CTDP1: variants seen among roughly 807,000 people sequenced by gnomAD.
The protein encoded by CTDP1 is CTD phosphatase 1, also known as RNA polymerase II subunit A C-terminal domain phosphatase.
A neutral mutation model predicts 91.8 loss-of-function variants in CTDP1; 47 were observed. The ratio of observed to expected loss-of-function variants is 0.51; its 90% CI spans 0.41 to 0.65. CTDP1 has a LOEUF of 0.65. CTDP1 is among the 30% of genes least tolerant of loss of function. The probability of loss-of-function intolerance (pLI) is 0.00; values close to 1 mark genes in which losing one functional copy is unlikely to be tolerated. For synonymous variants in CTDP1, 656 were observed against 598.5 expected, an observed-to-expected ratio of 1.10 and a Z score of -1.40; for missense variants, 1,272 against 1,373.7, an observed-to-expected ratio of 0.93 and a Z score of 1.17.
At chr18:79,741,141 C>T (rs965885000) in intron 12 of CTDP1, among the ~76,000 whole-genome samples, 4 of 148,020 alleles carry the variant, frequency 2.7e-5, no homozygotes, top group African/African-American at 1.0e-4. Context: ...CCCGAGGTCC[C>T]CTTGCGGTTG....
intron 10 of CTDP1, among the ~76,000 whole-genome samples, chr18:79,724,369 T>C (rs901009007): frequency 6.6e-6 from 1 of 152,226 alleles, no homozygotes; most frequent in African/African-American, 2.4e-5. Context: ...GGTGAGTGTG[T>C]GTTTAGCTTT....
At chr18:79,710,128 A>G (rs1012079817) in intron 5 of CTDP1, among the ~76,000 whole-genome samples, 7 of 152,206 alleles carry the variant, frequency 4.6e-5, no homozygotes, top group Admixed American at 1.3e-4. Flanking sequence ...AATTATAAAC[A>G]CTTATCAACA....
At chr18:79,712,140 T>G (rs1030218812) in intron 6 of CTDP1, among the ~76,000 whole-genome samples, 12 of 152,176 alleles carry the variant, frequency 7.9e-5, no homozygotes, top group Non-Finnish European at 1.5e-4. Flanking sequence ...GCTGTTAGTG[T>G]GTTACAGGGA....
rs999088499 is a variant in CTDP1 at position 79,699,803 on chromosome 18, C to T, written c.621+1815C>T. On this transcript the variant is annotated intron_variant, in intron 4 of 12. Coordinates refer to ENST00000613122, the MANE Select transcript of CTDP1 (RefSeq NM_004715.5). ...CGGAGCAACCTGGCGAGCACGTCTG[C>T]AGGTGCCATTTTCCAGCAGCATGTG... Among the ~76,000 whole-genome samples, 17 of 152,272 alleles carry T rather than the reference C, an allele frequency of 1.1e-4. No homozygotes were observed. In the East Asian group the frequency reaches 1.9e-3, roughly 17 times the overall value.
At chr18:79,740,388 A>T (rs1049666957) in intron 12 of CTDP1, among the ~76,000 whole-genome samples, 51 of 152,292 alleles carry the variant, frequency 3.3e-4, no homozygotes, top group African/African-American at 1.1e-3. Flanking sequence ...TGGGGACCTC[A>T]CTTCTTCCTT....
At position 79,713,992 on chromosome 18, in the gene CTDP1, C is replaced by T. The variant is rs1490335273; in HGVS notation, c.1031-499C>T. On this transcript the variant is annotated intron_variant, in intron 7 of 12. Transcript: ENST00000613122. This position sits in a 1 kb window ranked among gnomAD's most constrained non-coding sequence, Gnocchi z 4.7. The stretch of plus-strand genomic sequence containing the variant: ...CCAGGTCTGCAGGGGCTTACGGCCA[C>T]GGTGGTGCCAGGTCTGCAGGGGCTT... Among the ~76,000 whole-genome samples the T allele has an allele frequency of 1.9e-5, 2 of 107,164 alleles. No individual in the cohort carries two copies. Among genetic ancestry groups the T allele is most frequent in the Admixed American group, 8.9e-5 (1 of 11,180 alleles). The allele number at this position is 107,164 out of a possible 152,430, so 70.3% of individuals were successfully genotyped here.
intron 4 of CTDP1, among the ~76,000 whole-genome samples, chr18:79,701,709 T>C (rs2085863791): frequency 6.6e-6 from 1 of 152,148 alleles, no homozygotes; most frequent in Non-Finnish European, 1.5e-5. Flanking sequence ...TTGTGATTCA[T>C]GGGAAGAGGT....
intron 3 of CTDP1, 94 bp from the exon 4 acceptor site, chr18:79,697,766 C>T (rs950441393): frequency 3.2e-6 from 5 of 1,568,078 alleles, no homozygotes; most frequent in Non-Finnish European, 4.4e-6. Flanking sequence ...GAGGGGAACA[C>T]ATTGATATAG....
chr18:79,724,696 T>C (rs2086410313), intron 10 of CTDP1, among the ~76,000 whole-genome samples: 1 of 152,252 alleles, frequency 6.6e-6, no homozygotes, highest in South Asian at 2.1e-4. Context: ...AGATTCTATT[T>C]ATCACTTCTT....
At chr18:79,704,943 CCGTGTGAA>C in intron 5 of CTDP1, 26 bp downstream of exon 5, 1 of 1,611,952 alleles carries the variant, frequency 6.2e-7, no homozygotes, top group African/African-American at 1.3e-5. Flanking sequence ...GCCGAAGAGG[CCGTGTGAA>C]CAGTGGGTTT....
intron 5 of CTDP1, among the ~76,000 whole-genome samples, chr18:79,707,276 T>C (rs2085986003): frequency 6.6e-6 from 1 of 151,928 alleles, no homozygotes; most frequent in Non-Finnish European, 1.5e-5. Context: ...CCTCGTGTGG[T>C]GAGAGATGAA....
chr18:79,735,311 C>T (rs746064182), intron 11 of CTDP1, among the ~76,000 whole-genome samples: 6 of 152,200 alleles, frequency 3.9e-5, no homozygotes, highest in African/African-American at 9.7e-5. Flanking sequence ...AAACAGCCTG[C>T]GCTGGGGGAC....
chr18:79,683,693 T>G (rs1229830663), intron 1 of CTDP1, among the ~76,000 whole-genome samples: 1 of 152,258 alleles, frequency 6.6e-6, no homozygotes, highest in East Asian at 1.9e-4. Context: ...CCACACAGTT[T>G]TGGTCCCTCA....
In CTDP1 at chr18:79,679,897, CTGAGCGCAGCGCAG is replaced by C. The variant is rs1368829063; in HGVS notation, c.-50_-37del. 3.0e-6 allele frequency: 4 copies of C among 1,336,106 alleles called. No individual in the cohort carries two copies. The highest frequency in any genetic ancestry group is 6.6e-5 in the East Asian group (2 of 30,436). 82.8% of individuals were successfully genotyped at this position (1,336,106 alleles called of 1,614,324 possible). A position where few individuals can be genotyped will look rare whatever the true frequency, so the allele number is the denominator to read the frequency against. On this transcript the variant is annotated 5_prime_UTR_variant, in exon 1 of 13. Transcript: ENST00000613122. ...GTGTCGCCGCGGTAGGCGCTGCGCT[CTGAGCGCAGCGCAG>C]GCCCCGTACCGACCGCCCGCCCGCC...
chr18:79,748,327 G>A (rs1380999038), intron 12 of CTDP1, among the ~76,000 whole-genome samples: 2 of 152,180 alleles, frequency 1.3e-5, no homozygotes, highest in African/African-American at 2.4e-5. Flanking sequence ...ACTTCATCAC[G>A]GAGCGAGACC....
At chr18:79,680,562 C>G (rs1466145821) in intron 1 of CTDP1, among the ~76,000 whole-genome samples, 1 of 152,246 alleles carries the variant, frequency 6.6e-6, no homozygotes, top group African/African-American at 2.4e-5. Context: ...TCCTTTAGCT[C>G]CACCTTTGTG....
chr18:79,696,719 C>T lies in CTDP1; in HGVS notation c.492+649C>T, dbSNP rs114829493. 7.5e-3 allele frequency among the ~76,000 whole-genome samples: 1,137 copies of T among 152,208 alleles called. 12 individuals are homozygous for T. Among genetic ancestry groups the T allele is most frequent in the African/African-American group, 0.026 (1,088 of 41,516 alleles). ...GAGGACGGGCAGGTGTTCACGTGCCCAGTTAAGAGTGAGATGGGTTTTTAT... is the reference window on the plus strand; with the variant it reads ...GAGGACGGGCAGGTGTTCACGTGCCTAGTTAAGAGTGAGATGGGTTTTTAT... On this transcript the variant is annotated intron_variant, in intron 3 of 12. Coordinates refer to ENST00000613122, the MANE Select transcript of CTDP1 (RefSeq NM_004715.5).
chr18:79,745,363 C>T (rs74756922), intron 12 of CTDP1, among the ~76,000 whole-genome samples: 36 of 62,700 alleles, frequency 5.7e-4, no homozygotes, highest in Admixed American at 5.0e-3. Context: ...CTCCCGTGCG[C>T]GTTCTGTGCC....
In CTDP1 at chr18:79,714,662, C is replaced by A. The variant is rs981563721; in HGVS notation, c.1202C>A (p.Pro401Gln). The A allele has an allele frequency of 6.2e-7, 1 of 1,611,888 alleles. No individual in the cohort carries two copies. Among genetic ancestry groups the A allele is most frequent in the African/African-American group, 1.3e-5 (1 of 74,924 alleles). ...TPRDSPRPGK[P>Q]DERDIWPPAQ... Reference sequence around the variant, plus strand: ...CGGGACTCACCCCGCCCCGGGAAGCCAGACGAGAGGGACATCTGGCCCCCT... The same window carrying A: ...CGGGACTCACCCCGCCCCGGGAAGCAAGACGAGAGGGACATCTGGCCCCCT... Residue 401 changes from proline to glutamine, a missense_variant, in exon 8 of 13, where the codon CCA becomes CAA. This residue lies in a region of CTDP1 where 881 missense variants were observed against 911.6 expected (regional missense o/e 0.97). Coordinates refer to ENST00000613122, the MANE Select transcript of CTDP1 (RefSeq NM_004715.5).
Sources: allele counts gnomAD v4.1 joint callset (sites outside exome capture counted in the v4.1 genomes callset), GRCh38; gene constraint gnomAD v4.1.1; regional missense constraint gnomAD v4.1.1; non-coding constraint Gnocchi (gnomAD v3.1); transcripts MANE v1.5; gene names NCBI Gene and HGNC (gene_info 2026-07-23, HGNC 2026-07-21).